The following NRG1 variants were observed in gnomAD, a reference collection of about 807,000 sequenced individuals.
NRG1 encodes the protein neuregulin 1, also known as pro-neuregulin-1, membrane-bound isoform.
Under a neutral mutation model 63.8 loss-of-function variants are expected in NRG1, and 18 were observed. The observed-to-expected ratio is 0.28, with a 90% CI of 0.19 to 0.42. The LOEUF (loss-of-function observed/expected upper bound fraction) is 0.42, where lower values mean the gene tolerates loss of function less well. NRG1 is among the 10% of genes least tolerant of loss of function. The pLI is 1.00. For synonymous variants in NRG1, 302 were observed against 301.3 expected (o/e 1.00, Z -0.02); for missense variants, 762 against 814.7 (o/e 0.94, Z 0.79).
chr8:32,344,382 C>CTTTTTCTT (rs59156035), intron 1 of NRG1, among the ~76,000 whole-genome samples: 2 of 65,900 alleles, frequency 3.0e-5, no homozygotes, highest in Non-Finnish European at 3.2e-5. Context: ...TTCTTTCTTT[C>CTTTTTCTT]TCTTTCTTTC....
intron 1 of NRG1, among the ~76,000 whole-genome samples, chr8:31,938,863 A>G (rs1320765710): frequency 2.6e-5 from 4 of 152,316 alleles, no homozygotes; most frequent in African/African-American, 4.8e-5. Flanking sequence ...TCAAAGACAA[A>G]GAGAAAAGAA....
intron 1 of NRG1, among the ~76,000 whole-genome samples, chr8:31,972,188 A>AT (rs1279735556): frequency 1.3e-5 from 2 of 151,958 alleles, no homozygotes; most frequent in African/African-American, 4.8e-5. Flanking sequence ...GCTGCTCACA[A>AT]TTTACCCCTC....
chr8:32,220,408 T>G (rs75156724), intron 1 of NRG1, among the ~76,000 whole-genome samples: 309 of 152,068 alleles, frequency 2.0e-3, no homozygotes, highest in African/African-American at 7.1e-3. Flanking sequence ...ACAGCCTGCA[T>G]AATATAAGGG....
chr8:32,248,828 A>C (rs1586372633), intron 1 of NRG1, among the ~76,000 whole-genome samples: 1 of 152,216 alleles, frequency 6.6e-6, no homozygotes, highest in East Asian at 1.9e-4. Context: ...AACACTAAAA[A>C]CTCAGAGAAA....
At chr8:32,725,174 A>C (rs960929489) in intron 5 of NRG1, among the ~76,000 whole-genome samples, 2 of 151,888 alleles carry the variant, frequency 1.3e-5, no homozygotes, top group African/African-American at 4.8e-5. Context: ...TGTTGTTTTT[A>C]GCAAAAGCCT....
At chr8:32,080,139 A>T (rs1438679836) in intron 1 of NRG1, among the ~76,000 whole-genome samples, 1 of 152,194 alleles carries the variant, frequency 6.6e-6, no homozygotes, top group Non-Finnish European at 1.5e-5. Context: ...AGCATAAATT[A>T]TAATGTTTAT....
intron 1 of NRG1, among the ~76,000 whole-genome samples, chr8:32,543,012 A>C (rs976992085): frequency 2.0e-5 from 3 of 152,190 alleles, no homozygotes; most frequent in Non-Finnish European, 4.4e-5. Flanking sequence ...TGATTGATAG[A>C]AAATGGTAAT....
intron 1 of NRG1, among the ~76,000 whole-genome samples, chr8:32,478,816 A>G (rs1265609563): frequency 6.6e-6 from 1 of 152,158 alleles, no homozygotes; most frequent in East Asian, 1.9e-4. Context: ...GTAAACCCCA[A>G]TATACTTTAA....
chr8:31,696,587 G>A (rs536780405), intron 1 of NRG1, among the ~76,000 whole-genome samples: 1 of 152,338 alleles, frequency 6.6e-6, no homozygotes, highest in South Asian at 2.1e-4. Flanking sequence ...TGTGTCTTGG[G>A]TGTAAAGTAT....
chr8:32,070,904 G>C (rs552089614), intron 1 of NRG1, among the ~76,000 whole-genome samples: 1 of 152,078 alleles, frequency 6.6e-6, no homozygotes, highest in Non-Finnish European at 1.5e-5. Flanking sequence ...TCACATTCCT[G>C]CACTAACCTC....
chr8:32,054,573 A>G (rs1822532719), intron 1 of NRG1, among the ~76,000 whole-genome samples: 3 of 152,174 alleles, frequency 2.0e-5, no homozygotes, highest in South Asian at 4.1e-4. Flanking sequence ...TTGTGTGCAA[A>G]ACCAGGAAAA....
At chr8:32,490,402 T>G (rs1368844181) in intron 1 of NRG1, among the ~76,000 whole-genome samples, 1 of 152,150 alleles carries the variant, frequency 6.6e-6, no homozygotes, top group Non-Finnish European at 1.5e-5. Flanking sequence ...CATGCAATTC[T>G]GATGTGCCCT....
chr8:31,784,231 T>C (rs1374857246), intron 1 of NRG1, among the ~76,000 whole-genome samples: 1 of 152,222 alleles, frequency 6.6e-6, no homozygotes, highest in Non-Finnish European at 1.5e-5. Flanking sequence ...CAGGTTTTCA[T>C]AAACTTACTG....
intron 1 of NRG1, among the ~76,000 whole-genome samples, chr8:31,662,669 G>T (rs1423062416): frequency 2.0e-5 from 3 of 152,176 alleles, no homozygotes; most frequent in Non-Finnish European, 2.9e-5. Context: ...CTTAATAGGT[G>T]CTAGCAGAGA....
chr8:32,590,884 T>A (rs1042187801), intron 1 of NRG1, among the ~76,000 whole-genome samples: 3 of 152,172 alleles, frequency 2.0e-5, no homozygotes, highest in Admixed American at 6.6e-5. Context: ...CTGTGAAATA[T>A]TCAGGGCTAT....
At chr8:31,662,283 A>T (rs1164018360) in intron 1 of NRG1, among the ~76,000 whole-genome samples, 1 of 152,210 alleles carries the variant, frequency 6.6e-6, no homozygotes, top group Non-Finnish European at 1.5e-5. Context: ...TACATTTTAC[A>T]TTAAGAAAAA....
intron 1 of NRG1, among the ~76,000 whole-genome samples, chr8:32,555,022 G>C (rs1236220548): frequency 1.3e-5 from 2 of 151,662 alleles, no homozygotes; most frequent in Admixed American, 1.3e-4. Flanking sequence ...ACTGGAGTTT[G>C]TTTTCCAGCT....
At chr8:31,764,852 T>C (rs112701608) in intron 1 of NRG1, among the ~76,000 whole-genome samples, 8,113 of 149,632 alleles carry the variant, frequency 0.054, 752 homozygotes, top group African/African-American at 0.19. Flanking sequence ...ACTCGTCATC[T>C]AGCATTAGGT....
chr8:31,996,947 GTTC>G (rs1812083170), intron 1 of NRG1, among the ~76,000 whole-genome samples: 2 of 151,810 alleles, frequency 1.3e-5, no homozygotes, highest in Admixed American at 1.3e-4. Flanking sequence ...TGTCAAAAGA[GTTC>G]TTCTCTTTAA....
Sources: gnomAD v4.1 joint callset for allele counts (sites outside exome capture counted in the v4.1 genomes callset) on GRCh38, gnomAD v4.1.1 for gene constraint, MANE v1.5 for transcripts, NCBI Gene and HGNC (gene_info 2026-07-23, HGNC 2026-07-21) for gene names.